The following XRN2 variants were observed in gnomAD, a reference collection of about 807,000 sequenced individuals.
XRN2 encodes the protein DHM1-like protein.
In XRN2, 44 loss-of-function variants were observed where a neutral mutation model predicts 138.5. The ratio of observed to expected loss-of-function variants is 0.32; its 90% confidence interval spans 0.25 to 0.41. The LOEUF (loss-of-function observed/expected upper bound fraction) is 0.41, where lower values mean the gene tolerates loss of function less well. Ranked by LOEUF, XRN2 falls within the 10% of genes least tolerant of loss-of-function variation. The pLI, the probability that XRN2 is intolerant of heterozygous loss-of-function variation, is 1.00. For missense variants in XRN2, 937 were observed against 1,169.3 expected (o/e 0.80, Z 2.90); for synonymous variants, 354 against 369.4 (o/e 0.96, Z 0.48).
intron 21 of XRN2, 57 bp downstream of exon 21, chr20:21,354,929 T>A (rs1348249910): frequency 7.3e-7 from 1 of 1,370,644 alleles, no homozygotes; most frequent in Non-Finnish European, 1.0e-6. Flanking sequence ...TTTATATTTC[T>A]GTATAAAATT....
intron 1 of XRN2, among the ~76,000 whole-genome samples, chr20:21,319,205 G>A (rs1467407594): frequency 2.6e-5 from 4 of 151,996 alleles, no homozygotes; most frequent in Non-Finnish European, 5.9e-5. Flanking sequence ...AGCCACTCCA[G>A]TTTTCTTGTG....
Position 21,303,441 on chromosome 20 carries a change from C to G in XRN2, c.43C>G (p.Pro15Ala). ...AFFRWLSRKY[P>A]SIIVNCVEEK... ...CTTCCGCTGGCTCAGCCGCAAGTAC[C>G]CGTCCATCATAGTCAACTGCGTGGA... The change falls in exon 1 of 30, where the codon CCG becomes GCG. Residue 15 changes from proline to alanine, a missense_variant. Physicochemically the swap from Pro to Ala is conservative, Grantham distance 27. Coordinates refer to ENST00000377191, the MANE Select transcript of XRN2 (RefSeq NM_012255.5). 1 of 1,548,456 alleles carries G rather than the reference C, an allele frequency of 6.5e-7. No individual in the cohort carries two copies. The highest frequency in any genetic ancestry group is 8.7e-7 in the Non-Finnish European group (1 of 1,146,038).
chr20:21,359,944 C>T (rs2038618277), intron 24 of XRN2, among the ~76,000 whole-genome samples: 1 of 151,836 alleles, frequency 6.6e-6, no homozygotes, highest in African/African-American at 2.4e-5. Flanking sequence ...GAAATCGTTT[C>T]CTCAAGTTGA....
At chr20:21,365,397 G>T in intron 24 of XRN2, 24 bp from the exon 25 acceptor site, 1 of 1,606,502 alleles carries the variant, frequency 6.2e-7, no homozygotes, top group South Asian at 1.1e-5. Flanking sequence ...TCAGATCATT[G>T]AATTGTTTCT....
chr20:21,325,511 CATTTG>C (rs1237160432), intron 1 of XRN2, among the ~76,000 whole-genome samples: 2 of 152,106 alleles, frequency 1.3e-5, no homozygotes, highest in African/African-American at 4.8e-5. Context: ...AAGTGAGTGA[CATTTG>C]ATTTGAGTGT....
intron 13 of XRN2, among the ~76,000 whole-genome samples, chr20:21,338,278 A>G (rs1443120139): frequency 6.6e-6 from 1 of 152,138 alleles, no homozygotes; most frequent in Non-Finnish European, 1.5e-5. Flanking sequence ...GGGCATGGTT[A>G]TGGGAGGCCT....
chr20:21,348,280 A>T, intron 18 of XRN2, 27 bp downstream of exon 18: 1 of 1,611,900 alleles, frequency 6.2e-7, no homozygotes, highest in Non-Finnish European at 8.5e-7. Context: ...AAAGTCATAA[A>T]GTTTATAGAA....
intron 24 of XRN2, among the ~76,000 whole-genome samples, chr20:21,361,819 G>A (rs1348833192): frequency 6.6e-6 from 1 of 152,152 alleles, no homozygotes; most frequent in Non-Finnish European, 1.5e-5. Flanking sequence ...AGTTATGGCT[G>A]TTATCACATT....
chr20:21,323,114 C>T (rs2038070228), intron 1 of XRN2, among the ~76,000 whole-genome samples: 1 of 152,206 alleles, frequency 6.6e-6, no homozygotes, highest in African/African-American at 2.4e-5. Context: ...TCCCTTGAGC[C>T]TCCTCTCTGG....
At chr20:21,305,082 C>G (rs2037797630) in intron 1 of XRN2, among the ~76,000 whole-genome samples, 1 of 152,168 alleles carries the variant, frequency 6.6e-6, no homozygotes, top group Non-Finnish European at 1.5e-5. Flanking sequence ...GGTAGTCTAT[C>G]AAGAGTCATC....
At chr20:21,364,017 T>C (rs1275848875) in intron 24 of XRN2, among the ~76,000 whole-genome samples, 1 of 152,052 alleles carries the variant, frequency 6.6e-6, no homozygotes, top group East Asian at 1.9e-4. Flanking sequence ...CTGCGACCTC[T>C]GCCTCTCAGG....
intron 24 of XRN2, among the ~76,000 whole-genome samples, chr20:21,363,502 C>T (rs1600709043): frequency 1.3e-5 from 2 of 152,146 alleles, no homozygotes; most frequent in African/African-American, 4.8e-5. Context: ...CCTACCTTGC[C>T]CTGCCCCATG....
rs1009544640 is a variant in XRN2 at position 21,307,712 on chromosome 20, C to A, written c.75+4239C>A. ...AGTGAACGTGACCTCTAAAACATTC[C>A]TTCTGCCCTTTTGTAGTTCCTTTCT... On this transcript the variant is annotated intron_variant, in intron 1 of 29. Transcript: ENST00000377191. Among the ~76,000 whole-genome samples, 27 of 75,984 alleles carry A rather than the reference C, an allele frequency of 3.6e-4. 8 individuals carry two copies. Among genetic ancestry groups the A allele is most frequent in the African/African-American group, 6.5e-4 (18 of 27,764 alleles). 49.8% of individuals were successfully genotyped at this position (75,984 alleles called of 152,430 possible).
intron 22 of XRN2, 37 bp downstream of exon 22, chr20:21,356,214 T>C: frequency 6.5e-7 from 1 of 1,542,974 alleles, no homozygotes; most frequent in Non-Finnish European, 8.8e-7. Context: ...AAATGCACTT[T>C]TTAAAATTTT....
At chr20:21,329,813 C>T (rs1021818896) in intron 4 of XRN2, among the ~76,000 whole-genome samples, 1 of 126,524 alleles carries the variant, frequency 7.9e-6, no homozygotes. Context: ...TTCTTAGGCA[C>T]CTTTATTTTA....
intron 1 of XRN2, among the ~76,000 whole-genome samples, chr20:21,316,138 C>T (rs1031033919): frequency 1.3e-5 from 2 of 152,082 alleles, no homozygotes; most frequent in African/African-American, 4.8e-5. Flanking sequence ...CCTGTAATCC[C>T]AGCTACTCAG....
intron 13 of XRN2, among the ~76,000 whole-genome samples, chr20:21,334,633 C>T (rs2038260782): frequency 6.6e-6 from 1 of 152,022 alleles, no homozygotes; most frequent in South Asian, 2.1e-4. Context: ...AGAGCTGAAT[C>T]TCTTAAAAAA....
chr20:21,330,362 G>T, intron 4 of XRN2, 119 bp from the exon 5 acceptor site: 1 of 896,538 alleles, frequency 1.1e-6, no homozygotes, highest in Non-Finnish European at 1.7e-6. Context: ...TTTTTCCTCG[G>T]ATGACGAGAC....
intron 1 of XRN2, among the ~76,000 whole-genome samples, chr20:21,318,207 A>G (rs192527307): frequency 2.6e-5 from 4 of 152,236 alleles, no homozygotes; most frequent in Admixed American, 2.0e-4. Context: ...TTGTTGGTGT[A>G]TGACTATTCA....
Sources: allele counts gnomAD v4.1 joint callset (sites outside exome capture counted in the v4.1 genomes callset), GRCh38; gene constraint gnomAD v4.1.1; transcripts MANE v1.5; gene names NCBI Gene and HGNC (gene_info 2026-07-23, HGNC 2026-07-21).